Variants in DTWD2 observed in about 807,000 individuals in gnomAD.
DTWD2 encodes DTW motif tRNA-uridine aminocarboxypropyltransferase 2, also known as tRNA-uridine aminocarboxypropyltransferase 2.
In DTWD2, 39 loss-of-function variants were observed where a neutral mutation model predicts 31.8. The observed-to-expected ratio is 1.22, with a 90% CI of 0.95 to 1.60. DTWD2 has a LOEUF of 1.60. DTWD2 is among the 40% of genes most tolerant of loss of function. DTWD2 has a pLI of 0.00. For missense variants in DTWD2, 515 were observed against 381.5 expected (o/e 1.35, Z -2.92); for synonymous variants, 180 against 142.8 (o/e 1.26, Z -1.86).
intron 1 of DTWD2, among the ~76,000 whole-genome samples, chr5:118,954,301 C>T (rs1393759217): frequency 2.0e-5 from 3 of 152,064 alleles, no homozygotes; most frequent in Admixed American, 1.3e-4. Flanking sequence ...TCAAATCATC[C>T]ACCTTTTCTC....
chr5:118,985,450 A>T (rs1330862025), intron 1 of DTWD2, among the ~76,000 whole-genome samples: 1 of 148,036 alleles, frequency 6.8e-6, no homozygotes, highest in Non-Finnish European at 1.5e-5. Context: ...CTGATAGTAT[A>T]GAATTCAACA....
At chr5:118,918,828 G>GGA (rs1753638303) in intron 4 of DTWD2, among the ~76,000 whole-genome samples, 3 of 124,720 alleles carry the variant, frequency 2.4e-5, no homozygotes, top group African/African-American at 8.8e-5. Context: ...TCTCTACCAG[G>GGA]AAAAAAAAAA....
intron 1 of DTWD2, among the ~76,000 whole-genome samples, chr5:118,985,609 T>C (rs1219826500): frequency 6.6e-6 from 1 of 150,858 alleles, no homozygotes. Context: ...GAAGCACTAC[T>C]TGGTGAACAT....
At chr5:118,851,218 CAAAAAAAA>C (rs35541408) in intron 4 of DTWD2, among the ~76,000 whole-genome samples, 1 of 81,968 alleles carries the variant, frequency 1.2e-5, no homozygotes, top group African/African-American at 5.1e-5. Flanking sequence ...GACCCTATCT[CAAAAAAAA>C]AAAAAAAAAA....
intron 1 of DTWD2, among the ~76,000 whole-genome samples, chr5:118,983,927 C>T (rs1330947098): frequency 6.6e-6 from 1 of 151,966 alleles, no homozygotes; most frequent in African/African-American, 2.4e-5. Context: ...AAGCAGGCGG[C>T]TCACCTGAGG....
chr5:118,957,067 C>G (rs1156766057), intron 1 of DTWD2, among the ~76,000 whole-genome samples: 1 of 152,082 alleles, frequency 6.6e-6, no homozygotes, highest in Non-Finnish European at 1.5e-5. Context: ...ATTTTCATCT[C>G]CAAAACAGAA....
In DTWD2 at chr5:118,939,241, T is replaced by A; in HGVS notation, c.359A>T (p.Gln120Leu). 1 of 1,604,088 alleles carries A rather than the reference T, an allele frequency of 6.2e-7. No individual in the cohort carries two copies. Among genetic ancestry groups the A allele is most frequent in the Non-Finnish European group, 8.5e-7 (1 of 1,174,684 alleles). The change falls in exon 3 of 6, where the codon CAG becomes CTG. Residue 120 changes from glutamine to leucine, a missense_variant. Gln to Leu is a moderately radical substitution (Grantham distance 113). Coordinates refer to ENST00000510708, the MANE Select transcript of DTWD2 (RefSeq NM_173666.4). The stretch of plus-strand genomic sequence containing the variant: ...ACCGATCTTCACTTTACACTTGTCC[T>A]GGGGGAGGCATGCTGCTAGTAGAGG... ...TVPLLAACLP[Q>L]DKCKVKIGRR...
chr5:118,905,481 T>C (rs1753307347), intron 4 of DTWD2, among the ~76,000 whole-genome samples: 2 of 152,130 alleles, frequency 1.3e-5, no homozygotes, highest in African/African-American at 4.8e-5. Flanking sequence ...AAGCTGTGTA[T>C]AAAGTTATAA....
intron 3 of DTWD2, among the ~76,000 whole-genome samples, chr5:118,936,119 G>T (rs1006183467): frequency 3.3e-5 from 5 of 152,114 alleles, no homozygotes; most frequent in African/African-American, 1.2e-4. Flanking sequence ...GAAATTAAGC[G>T]ACACACTCCT....
Position 118,842,206 on chromosome 5 carries a change from G to A in DTWD2, c.727-1119C>T, listed in dbSNP as rs147388213. 1.0e-3 allele frequency among the ~76,000 whole-genome samples: 152 copies of A among 152,086 alleles called. 3 individuals carry two copies. In the East Asian group the frequency reaches 0.014, roughly 14 times the overall value. ...GATAGTCACTAGTAGTTGCTTCTTCGTATTATTTTCTCCCTTATTAAAATA... is the reference window on the plus strand; with the variant it reads ...GATAGTCACTAGTAGTTGCTTCTTCATATTATTTTCTCCCTTATTAAAATA... On this transcript the variant is annotated intron_variant, in intron 5 of 5. Transcript: ENST00000510708.
intron 4 of DTWD2, among the ~76,000 whole-genome samples, chr5:118,874,317 A>G (rs1752573624): frequency 6.6e-6 from 1 of 152,240 alleles, no homozygotes; most frequent in Admixed American, 6.5e-5. Context: ...CCAAATGACC[A>G]CATCACCTTT....
intron 4 of DTWD2, among the ~76,000 whole-genome samples, chr5:118,860,812 T>A (rs1480511348): frequency 6.6e-6 from 1 of 152,220 alleles, no homozygotes; most frequent in Non-Finnish European, 1.5e-5. Flanking sequence ...CTTATTTTTT[T>A]CTTTGTCTAT....
chr5:118,923,372 AG>A (rs1432327554), intron 4 of DTWD2, among the ~76,000 whole-genome samples: 2 of 152,208 alleles, frequency 1.3e-5, no homozygotes, highest in African/African-American at 4.8e-5. Flanking sequence ...GATGCCAGGG[AG>A]AAAAAACTTC....
chr5:118,948,954 G>A (rs1754398922), intron 1 of DTWD2, among the ~76,000 whole-genome samples: 1 of 152,208 alleles, frequency 6.6e-6, no homozygotes, highest in South Asian at 2.1e-4. Flanking sequence ...TTGCTTTGTA[G>A]AAGGGGTTAG....
At chr5:118,865,026 C>CA (rs1752352434) in intron 4 of DTWD2, among the ~76,000 whole-genome samples, 1 of 152,058 alleles carries the variant, frequency 6.6e-6, no homozygotes, top group Admixed American at 6.6e-5. Context: ...TAAACACACA[C>CA]ACACAAACAC....
At chr5:118,975,788 G>A (rs1316843891) in intron 1 of DTWD2, among the ~76,000 whole-genome samples, 3 of 152,080 alleles carry the variant, frequency 2.0e-5, no homozygotes, top group Non-Finnish European at 2.9e-5. Context: ...CGATCAATGA[G>A]ACAGAAAATT....
At chr5:118,850,477 CAAAAAAAAAAAAAAAAA>C (rs34808087) in intron 4 of DTWD2, among the ~76,000 whole-genome samples, 10 of 30,466 alleles carry the variant, frequency 3.3e-4, no homozygotes, top group Admixed American at 6.2e-4. Flanking sequence ...GACCCCACCA[CAAAAAAAAAAAAAAAAA>C]AAAAAAAAAA....
intron 1 of DTWD2, among the ~76,000 whole-genome samples, chr5:118,981,611 A>G (rs750081331): frequency 2.6e-5 from 4 of 152,114 alleles, no homozygotes; most frequent in Non-Finnish European, 5.9e-5. Flanking sequence ...CCCAGGCAAG[A>G]GCACAGTGGC....
intron 4 of DTWD2, among the ~76,000 whole-genome samples, chr5:118,876,916 C>A (rs1037652219): frequency 1.3e-5 from 2 of 152,064 alleles, no homozygotes; most frequent in Non-Finnish European, 2.9e-5. Context: ...CTGGCAGAGA[C>A]ACAATAAAAA....
Sources: gnomAD v4.1 joint callset for allele counts (sites outside exome capture counted in the v4.1 genomes callset) on GRCh38, gnomAD v4.1.1 for gene constraint, MANE v1.5 for transcripts, NCBI Gene and HGNC (gene_info 2026-07-23, HGNC 2026-07-21) for gene names.